Variants in MGAT4C observed in about 807,000 individuals in gnomAD.
MGAT4C encodes the protein alpha-1,3-mannosyl-glycoprotein 4-beta-N-acetylglucosaminyltransferase C.
In MGAT4C, 19 loss-of-function variants were observed where a neutral mutation model predicts 40.1. The ratio of observed to expected loss-of-function variants is 0.47; its 90% CI spans 0.33 to 0.70. MGAT4C has a LOEUF of 0.70. MGAT4C is among the 30% of genes least tolerant of loss of function. The pLI, the probability that MGAT4C is intolerant of heterozygous loss-of-function variation, is 0.02. For synonymous variants in MGAT4C, 181 were observed against 187.1 expected, an observed-to-expected ratio of 0.97 and a Z score of 0.27; for missense variants, 491 against 563.2, an observed-to-expected ratio of 0.87 and a Z score of 1.30.
At chr12:86,342,068 T>G (rs1954918031) in intron 3 of MGAT4C, among the ~76,000 whole-genome samples, 1 of 152,020 alleles carries the variant, frequency 6.6e-6, no homozygotes, top group Admixed American at 6.6e-5. Flanking sequence ...GGGGGACCTC[T>G]CAACTGGGGT....
At chr12:86,169,132 T>C (rs886994002) in intron 1 of MGAT4C, among the ~76,000 whole-genome samples, 3 of 152,180 alleles carry the variant, frequency 2.0e-5, no homozygotes, top group Non-Finnish European at 4.4e-5. Context: ...ATAGTGATGT[T>C]AGCAGAGAGA....
At chr12:86,270,103 G>T (rs977109924) in intron 4 of MGAT4C, among the ~76,000 whole-genome samples, 4 of 151,958 alleles carry the variant, frequency 2.6e-5, no homozygotes, top group African/African-American at 9.7e-5. Context: ...GTCTCACTCT[G>T]TCCTCCAGGC....
chr12:86,815,450 A>T (rs913395086), intron 1 of MGAT4C, among the ~76,000 whole-genome samples: 1 of 151,910 alleles, frequency 6.6e-6, no homozygotes, highest in African/African-American at 2.4e-5. Flanking sequence ...TTCCTTAAAG[A>T]ACTAAAAGTA....
chr12:86,322,193 G>T, intron 4 of MGAT4C, among the ~76,000 whole-genome samples: 1 of 137,946 alleles, frequency 7.2e-6, no homozygotes, highest in Non-Finnish European at 1.5e-5. Context: ...TGGACACAGG[G>T]TGGGGAACAT....
intron 2 of MGAT4C, among the ~76,000 whole-genome samples, chr12:86,555,780 A>G (rs1475170153): frequency 6.6e-6 from 1 of 152,104 alleles, no homozygotes; most frequent in Non-Finnish European, 1.5e-5. Flanking sequence ...TTGATCACCA[A>G]TAAATAGTCT....
chr12:86,023,978 A>G (rs1369431113), intron 2 of MGAT4C, among the ~76,000 whole-genome samples: 1 of 151,828 alleles, frequency 6.6e-6, no homozygotes, highest in Non-Finnish European at 1.5e-5. Context: ...TAAGACCTCT[A>G]AATGTTCTTA....
At chr12:86,176,494 G>A (rs1887448829) in intron 1 of MGAT4C, among the ~76,000 whole-genome samples, 3 of 151,906 alleles carry the variant, frequency 2.0e-5, no homozygotes, top group Admixed American at 6.6e-5. Context: ...TACAATTTTT[G>A]TGAGCTCCTC....
At chr12:86,165,565 C>T (rs1213424934) in intron 1 of MGAT4C, among the ~76,000 whole-genome samples, 1 of 152,060 alleles carries the variant, frequency 6.6e-6, no homozygotes, top group African/African-American at 2.4e-5. Flanking sequence ...TGTGGTAGGA[C>T]AATTCTTTCT....
chr12:86,695,831 A>T lies in MGAT4C; in HGVS notation c.-229+31378T>A, dbSNP rs912542592. On this transcript the variant is annotated intron_variant, in intron 2 of 7. Coordinates refer to the MGAT4C transcript ENST00000548651. ...GGGTATAGTTAATAGGTACAAAAAA[A>T]TAGAAAAAATGAATAAAATCTAGTA... Among the ~76,000 whole-genome samples, 6 of 152,282 alleles carry T rather than the reference A, an allele frequency of 3.9e-5. No homozygotes were observed. The South Asian group carries it at 8.3e-4, about 21-fold the overall frequency.
At chr12:86,290,524 T>C (rs988279809) in intron 4 of MGAT4C, among the ~76,000 whole-genome samples, 1 of 151,998 alleles carries the variant, frequency 6.6e-6, no homozygotes, top group African/African-American at 2.4e-5. Flanking sequence ...TTGAAACACA[T>C]ATTATTAACT....
intron 1 of MGAT4C, among the ~76,000 whole-genome samples, chr12:86,080,544 T>G (rs1011633427): frequency 2.0e-5 from 3 of 152,090 alleles, no homozygotes; most frequent in African/African-American, 4.8e-5. Context: ...CAACTGTGCT[T>G]TAATCTGGTT....
chr12:86,780,281 G>A (rs956910255), intron 1 of MGAT4C, among the ~76,000 whole-genome samples: 1 of 152,146 alleles, frequency 6.6e-6, no homozygotes, highest in South Asian at 2.1e-4. Flanking sequence ...AGCGGTACAA[G>A]TGTGGTTTTA....
chr12:86,586,684 C>A (rs1219237682), intron 2 of MGAT4C, among the ~76,000 whole-genome samples: 17 of 144,970 alleles, frequency 1.2e-4, no homozygotes, highest in East Asian at 4.1e-4. Flanking sequence ...TTTTGATTTG[C>A]ATTTCTCTGA....
chr12:86,472,109 A>T (rs1365434922), intron 2 of MGAT4C, among the ~76,000 whole-genome samples: 1 of 152,140 alleles, frequency 6.6e-6, no homozygotes. Flanking sequence ...TCTAATTTTT[A>T]AAAATGTTCC....
intron 1 of MGAT4C, among the ~76,000 whole-genome samples, chr12:86,159,465 G>A (rs1178104101): frequency 6.6e-6 from 1 of 151,664 alleles, no homozygotes; most frequent in African/African-American, 2.4e-5. Context: ...TGTTCATGAG[G>A]GATTTTAGTC....
At chr12:86,189,324 G>T (rs1371862282) in intron 1 of MGAT4C, among the ~76,000 whole-genome samples, 1 of 151,760 alleles carries the variant, frequency 6.6e-6, no homozygotes, top group Non-Finnish European at 1.5e-5. Flanking sequence ...TAAATTATTT[G>T]TTAAGGTAAC....
intron 1 of MGAT4C, among the ~76,000 whole-genome samples, chr12:86,732,114 C>A (rs768677233): frequency 6.6e-6 from 1 of 152,154 alleles, no homozygotes; most frequent in Non-Finnish European, 1.5e-5. Flanking sequence ...AACAAAAACT[C>A]AAGTTTACTA....
At chr12:86,416,015 G>A (rs185973985) in intron 3 of MGAT4C, among the ~76,000 whole-genome samples, 2 of 151,992 alleles carry the variant, frequency 1.3e-5, no homozygotes. Flanking sequence ...CTATTTAGAG[G>A]GGAAAATAGG....
chr12:86,153,127 G>A (rs1157177229), intron 1 of MGAT4C, among the ~76,000 whole-genome samples: 1 of 152,122 alleles, frequency 6.6e-6, no homozygotes, highest in African/African-American at 2.4e-5. Flanking sequence ...AAGGGTCACA[G>A]CCTCTCTCAC....
Sources: allele counts gnomAD v4.1 joint callset (sites outside exome capture counted in the v4.1 genomes callset), GRCh38; gene constraint gnomAD v4.1.1; transcripts MANE v1.5; gene names NCBI Gene and HGNC (gene_info 2026-07-23, HGNC 2026-07-21).